TRAP1: variants seen among roughly 807,000 people sequenced by gnomAD.
TRAP1 encodes the protein TNF receptor associated protein 1.
A neutral mutation model predicts 89.1 loss-of-function variants in TRAP1; 102 were observed. The ratio of observed to expected loss-of-function variants is 1.15; its 90% CI spans 0.98 to 1.35. TRAP1 has a LOEUF of 1.35. Among genes scored for constraint, TRAP1 ranks in the 40% most tolerant of loss-of-function variants. The pLI, the probability that TRAP1 is intolerant of heterozygous loss-of-function variation, is 0.00. For missense variants in TRAP1, 1,256 were observed against 945.3 expected, an observed-to-expected ratio of 1.33 and a Z score of -4.31; for synonymous variants, 508 against 388.0, an observed-to-expected ratio of 1.31 and a Z score of -3.64.
intron 1 of TRAP1, among the ~76,000 whole-genome samples, chr16:3,698,531 T>G (rs1889220097): frequency 4.6e-5 from 7 of 151,946 alleles, no homozygotes; most frequent in Non-Finnish European, 1.5e-5. Context: ...CTTGATCTCC[T>G]GACCTCGTGA....
At chr16:3,702,877 T>A (rs1227435977) in intron 1 of TRAP1, among the ~76,000 whole-genome samples, 1 of 151,352 alleles carries the variant, frequency 6.6e-6, no homozygotes, top group African/African-American at 2.4e-5. Context: ...ACTCCATCTC[T>A]ACTAAAAATA....
chr16:3,679,606 T>C, intron 5 of TRAP1, 113 bp downstream of exon 5: 1 of 1,037,286 alleles, frequency 9.6e-7, no homozygotes, highest in Non-Finnish European at 1.5e-6. Flanking sequence ...ACCCACTGCG[T>C]GGCATGCAAC....
intron 5 of TRAP1, chr16:3,678,651 CG>C (rs1388321200): frequency 1.3e-5 from 2 of 152,218 alleles, no homozygotes; most frequent in Non-Finnish European, 2.9e-5. Context: ...TTAGTAGAGA[CG>C]GGGTTTCACC....
At chr16:3,711,204 A>T (rs1160160055) in intron 1 of TRAP1, among the ~76,000 whole-genome samples, 2 of 151,956 alleles carry the variant, frequency 1.3e-5, no homozygotes, top group African/African-American at 4.8e-5. Flanking sequence ...CACATTTCTT[A>T]ATTATATGGC....
At chr16:3,659,023 T>C in intron 16 of TRAP1, 158 bp from the exon 17 acceptor site, 1 of 714,536 alleles carries the variant, frequency 1.4e-6, no homozygotes, top group Admixed American at 3.1e-5. Context: ...ATAATATCAT[T>C]ATATACCCAG....
At position 3,664,274 on chromosome 16, in the gene TRAP1, CTCTGTG is replaced by C. The variant is rs1484842008; in HGVS notation, c.1563_1568del (p.Asp521_Thr522del). The C allele has an allele frequency of 6.3e-7, 1 of 1,588,902 alleles. No individual in the cohort carries two copies. Among genetic ancestry groups the C allele is most frequent in the South Asian group, 1.1e-5 (1 of 88,274 alleles). Reference sequence around the variant, plus strand: ...CCCGCCCCACCCACCGCTCACCCACCTCTGTGTCTTTCTTCTTCATGGCCTCATAGT... The same window carrying C: ...CCCGCCCCACCCACCGCTCACCCACCTCTTTCTTCTTCATGGCCTCATAGT... On this transcript the variant is annotated inframe_deletion and splice_region_variant, in exon 13 of 18. Transcript: ENST00000246957.
rs370281445 is a variant in TRAP1, at chr16:3,658,428, G to A, written c.2014-198C>T. 1.5e-4 allele frequency: 88 copies of A among 603,972 alleles called. 1 individual carries two copies. Among genetic ancestry groups the A allele is most frequent in the African/African-American group, 5.8e-4 (31 of 53,690 alleles). The allele number at this position is 603,972 out of a possible 1,614,324, so 37.4% of individuals were successfully genotyped here. A position where few individuals can be genotyped will look rare whatever the true frequency, so the allele number is the denominator to read the frequency against. On this transcript the variant is annotated intron_variant, in intron 17 of 17. Transcript: ENST00000246957. ...AGCCACCACGCCTGGCCATTTTTCC[G>A]TTTTTAAAACAGAATTTGGCTGGGC...
At chr16:3,706,664 T>C (rs180997495) in intron 1 of TRAP1, among the ~76,000 whole-genome samples, 1 of 152,118 alleles carries the variant, frequency 6.6e-6, no homozygotes, top group East Asian at 1.9e-4. Context: ...TCTCACTATG[T>C]TGTCCAGGCT....
chr16:3,658,899 A>G, intron 16 of TRAP1, 34 bp from the exon 17 acceptor site: 1 of 1,607,370 alleles, frequency 6.2e-7, no homozygotes, highest in Non-Finnish European at 8.5e-7. Flanking sequence ...AAAGCAGCTC[A>G]GTACCACGTG....
chr16:3,698,680 G>C lies in TRAP1; in HGVS notation c.89-7695C>G, dbSNP rs548490350. Among the ~76,000 whole-genome samples the C allele has an allele frequency of 2.0e-4, 30 of 152,094 alleles. 1 individual carries two copies. The South Asian group carries it at 5.8e-3, about 29-fold the overall frequency. On this transcript the variant is annotated intron_variant, in intron 1 of 17. Coordinates refer to ENST00000246957, the MANE Select transcript of TRAP1 (RefSeq NM_016292.3). ...CCAGCACTTTGGGAGGCCAAGGCCG[G>C]GGGGTCGCTTCAGCTCAGGAGTTTG...
Position 3,669,726 on chromosome 16 carries a change from G to A in TRAP1, c.1235+1996C>T, listed in dbSNP as rs1042155231. ...GTGGGTGCCTGTATCCCAGCTACTC[G>A]GGAGGCTGAGACAGGAGAATGGCAT... is the stretch of plus-strand genomic sequence containing the variant. On this transcript the variant is annotated intron_variant, in intron 11 of 17. Coordinates refer to ENST00000246957, the MANE Select transcript of TRAP1 (RefSeq NM_016292.3). Among the ~76,000 whole-genome samples, 4 of 151,470 alleles carry A rather than the reference G, an allele frequency of 2.6e-5. No homozygotes were observed. The East Asian group carries it at 5.9e-4, about 22-fold the overall frequency.
At chr16:3,664,534 C>A (rs1316279192) in intron 12 of TRAP1, 75 bp from the exon 13 acceptor site, 11 of 1,456,932 alleles carry the variant, frequency 7.6e-6, no homozygotes, top group African/African-American at 2.9e-5. Context: ...TGGGCGCAAA[C>A]CCTCCGATGC....
Position 3,663,454 on chromosome 16 carries a change from T to C in TRAP1, c.1678A>G (p.Lys560Glu), listed in dbSNP as rs763973339. 2.7e-5 allele frequency: 44 copies of C among 1,614,096 alleles called. No individual in the cohort carries two copies. Among genetic ancestry groups the C allele is most frequent in the South Asian group, 2.0e-4 (18 of 91,078 alleles). The change falls in exon 14 of 18, where the codon AAG (lysine) becomes GAG (glutamate). Residue 560 changes from lysine to glutamate, a missense_variant. Physicochemically the swap from Lys to Glu is moderately conservative, Grantham distance 56 (BLOSUM62 1). Coordinates refer to ENST00000246957, the MANE Select transcript of TRAP1 (RefSeq NM_016292.3). ...GACCTGTCCTCAAACTTCTCCTCCT[T>C]GTAGTGATCCACGACTATGTCCGTC... The part of the protein sequence containing the change: ...VETDIVVDHY[K>E]EEKFEDRSPA...
In TRAP1 at chr16:3,678,970, T is replaced by G. The variant is rs2051037984; in HGVS notation, c.543+749A>C. ...ATCAGTCCCCTCTCACACAGCGCCG[T>G]GATGAGAACGGGCTTGGGATGCGGC... On this transcript the variant is annotated intron_variant, in intron 5 of 17. Coordinates refer to ENST00000246957, the MANE Select transcript of TRAP1 (RefSeq NM_016292.3). Among the ~76,000 whole-genome samples, 7 of 152,246 alleles carry G rather than the reference T, an allele frequency of 4.6e-5. 1 individual carries two copies. The South Asian group carries it at 1.5e-3, about 32-fold the overall frequency.
chr16:3,708,626 G>A (rs1177902318), intron 1 of TRAP1, among the ~76,000 whole-genome samples: 1 of 151,470 alleles, frequency 6.6e-6, no homozygotes. Flanking sequence ...GACGGAGCGA[G>A]ACTCCATCTC....
chr16:3,717,342 G>A, intron 1 of TRAP1, 79 bp downstream of exon 1: 1 of 547,832 alleles, frequency 1.8e-6, no homozygotes. Context: ...CCGGCGCCTC[G>A]CTCCCCGGAG....
chr16:3,664,762 G>A (rs1049963899), intron 12 of TRAP1: 14 of 346,434 alleles, frequency 4.0e-5, no homozygotes, highest in Non-Finnish European at 6.3e-5. Flanking sequence ...AGCCCGGCCT[G>A]GACCCAGCGT....
intron 17 of TRAP1, 67 bp downstream of exon 17, chr16:3,658,726 C>T (rs1201244327): frequency 2.1e-5 from 31 of 1,475,878 alleles, no homozygotes; most frequent in Middle Eastern, 1.7e-4. Flanking sequence ...CGCTGTTCCA[C>T]CCTGAAGGCA....
chr16:3,699,346 A>G (rs952000233), intron 1 of TRAP1, among the ~76,000 whole-genome samples: 1 of 152,168 alleles, frequency 6.6e-6, no homozygotes, highest in African/African-American at 2.4e-5. Context: ...ATTTAAAAAA[A>G]TTTTATACTG....
Sources: gnomAD v4.1 joint callset for allele counts (sites outside exome capture counted in the v4.1 genomes callset) on GRCh38, gnomAD v4.1.1 for gene constraint, MANE v1.5 for transcripts, NCBI Gene and HGNC (gene_info 2026-07-23, HGNC 2026-07-21) for gene names.